The following MARCHF4 variants were observed in gnomAD, a reference collection of about 807,000 sequenced individuals.
The protein encoded by MARCHF4 is E3 ubiquitin-protein ligase MARCHF4.
Under a neutral mutation model 43.9 loss-of-function variants are expected in MARCHF4, and 14 were observed. That is an observed-to-expected ratio of 0.32 (90% CI 0.21 to 0.50). MARCHF4 has a LOEUF of 0.50. Among genes scored for constraint, MARCHF4 ranks in the 20% least tolerant of loss-of-function variants. MARCHF4 has a pLI of 0.98. For synonymous variants in MARCHF4, 226 were observed against 213.3 expected (o/e 1.06, Z -0.52); for missense variants, 468 against 536.7 (o/e 0.87, Z 1.27).
At chr2:216,326,517 TTTATTGCGGCA>T in intron 1 of MARCHF4, among the ~76,000 whole-genome samples, 1 of 151,524 alleles carries the variant, frequency 6.6e-6, no homozygotes, top group Middle Eastern at 3.4e-3. Context: ...CACACGTATG[TTTATTGCGGCA>T]TTATTCACAA....
chr2:216,313,451 G>GA (rs764840677), intron 1 of MARCHF4, among the ~76,000 whole-genome samples: 3 of 152,104 alleles, frequency 2.0e-5, no homozygotes, highest in Non-Finnish European at 2.9e-5. Flanking sequence ...TCACAAATTA[G>GA]AAAAAATTAC....
intron 1 of MARCHF4, among the ~76,000 whole-genome samples, chr2:216,295,125 C>T (rs964011661): frequency 3.3e-5 from 5 of 152,288 alleles, no homozygotes; most frequent in African/African-American, 7.2e-5. Context: ...GCCTGCAGAC[C>T]GAGGCTGGCT....
rs532625140 is a variant in MARCHF4, at chr2:216,315,930, C to G, written c.517-32201G>C. Among the ~76,000 whole-genome samples the G allele has an allele frequency of 8.5e-5, 13 of 152,280 alleles. 1 individual carries two copies. Among genetic ancestry groups the G allele is most frequent in the Middle Eastern group, 6.8e-3 (2 of 294 alleles). On this transcript the variant is annotated intron_variant, in intron 1 of 3. Transcript: ENST00000273067. ...TCCCATCTATTTCGCTTCCTGGGAG[C>G]AGGTCTGTCTGATCTGCATCACTGG...
At chr2:216,268,397 C>A (rs1690879378) in intron 3 of MARCHF4, among the ~76,000 whole-genome samples, 1 of 152,188 alleles carries the variant, frequency 6.6e-6, no homozygotes. Context: ...ACCTATAATC[C>A]CTACATGTCA....
At chr2:216,363,431 A>G (rs1692618368) in intron 1 of MARCHF4, among the ~76,000 whole-genome samples, 1 of 152,232 alleles carries the variant, frequency 6.6e-6, no homozygotes, top group African/African-American at 2.4e-5. Flanking sequence ...ATGCGTGAGC[A>G]AGTTTGTACA....
At chr2:216,295,966 C>T (rs1193169412) in intron 1 of MARCHF4, among the ~76,000 whole-genome samples, 9 of 152,164 alleles carry the variant, frequency 5.9e-5, no homozygotes, top group Non-Finnish European at 8.8e-5. Context: ...GCCAACATGG[C>T]GAAACCCTGT....
At chr2:216,331,924 C>G (rs1425028451) in intron 1 of MARCHF4, among the ~76,000 whole-genome samples, 1 of 152,112 alleles carries the variant, frequency 6.6e-6, no homozygotes, top group African/African-American at 2.4e-5. Context: ...ATGCTCAGCA[C>G]ACATCACGAT....
intron 1 of MARCHF4, among the ~76,000 whole-genome samples, chr2:216,303,060 C>A (rs988941446): frequency 1.3e-5 from 2 of 152,130 alleles, no homozygotes; most frequent in African/African-American, 4.8e-5. Context: ...CCTGTCTCTT[C>A]ATTGAGGAAT....
At chr2:216,322,190 G>A (rs543817173) in intron 1 of MARCHF4, among the ~76,000 whole-genome samples, 1 of 152,314 alleles carries the variant, frequency 6.6e-6, no homozygotes, top group African/African-American at 2.4e-5. Context: ...AACAAAGGCA[G>A]CATCTCCTAA....
At chr2:216,347,673 G>C (rs375905358) in intron 1 of MARCHF4, among the ~76,000 whole-genome samples, 11 of 151,736 alleles carry the variant, frequency 7.2e-5, no homozygotes, top group African/African-American at 2.7e-4. Context: ...GTTGCAGTGA[G>C]CTGAGATGGT....
chr2:216,350,250 C>G (rs1212184120), intron 1 of MARCHF4, among the ~76,000 whole-genome samples: 3 of 117,928 alleles, frequency 2.5e-5, no homozygotes, highest in Non-Finnish European at 5.3e-5. Context: ...CCCCCTCACT[C>G]TGCCACTCCC....
intron 1 of MARCHF4, among the ~76,000 whole-genome samples, chr2:216,319,672 T>C (rs1314515986): frequency 6.6e-6 from 1 of 152,176 alleles, no homozygotes; most frequent in Admixed American, 6.5e-5. Context: ...TTGGGAAACA[T>C]AATAAGCCTC....
intron 2 of MARCHF4, among the ~76,000 whole-genome samples, chr2:216,278,146 A>T (rs1691058181): frequency 6.6e-6 from 1 of 152,200 alleles, no homozygotes; most frequent in Non-Finnish European, 1.5e-5. Context: ...ATAATGATAT[A>T]CACAGAGAAA....
intron 1 of MARCHF4, among the ~76,000 whole-genome samples, chr2:216,298,298 T>A (rs147646998): frequency 7.0e-6 from 1 of 142,038 alleles, no homozygotes; most frequent in Non-Finnish European, 1.5e-5. Flanking sequence ...AGGGTCTGAC[T>A]CTGTTGTCCA....
At chr2:216,325,597 G>T (rs938860984) in intron 1 of MARCHF4, among the ~76,000 whole-genome samples, 3 of 152,140 alleles carry the variant, frequency 2.0e-5, no homozygotes, top group African/African-American at 7.2e-5. Flanking sequence ...AAAACAGCAG[G>T]GTACTGGTAT....
intron 1 of MARCHF4, 83 bp downstream of exon 1, chr2:216,369,662 G>C (rs766961898): frequency 2.6e-6 from 3 of 1,140,444 alleles, no homozygotes. Flanking sequence ...CAATATAACC[G>C]TTCCCCAGGG....
At chr2:216,330,310 A>G (rs955355139) in intron 1 of MARCHF4, among the ~76,000 whole-genome samples, 3 of 152,198 alleles carry the variant, frequency 2.0e-5, no homozygotes, top group African/African-American at 7.2e-5. Flanking sequence ...ATGTGTCAGG[A>G]AAATATAACA....
intron 1 of MARCHF4, among the ~76,000 whole-genome samples, chr2:216,310,955 T>A (rs546121930): frequency 6.6e-6 from 1 of 152,268 alleles, no homozygotes; most frequent in Admixed American, 6.5e-5. Flanking sequence ...GGGGAAGGAT[T>A]ATTTTAAATT....
intron 2 of MARCHF4, among the ~76,000 whole-genome samples, chr2:216,279,041 T>C (rs1691080726): frequency 6.6e-6 from 1 of 152,250 alleles, no homozygotes; most frequent in Non-Finnish European, 1.5e-5. Flanking sequence ...GTGGAGCTTA[T>C]AGTCTAGGGA....
Sources: gnomAD v4.1 joint callset for allele counts (sites outside exome capture counted in the v4.1 genomes callset) on GRCh38, gnomAD v4.1.1 for gene constraint, MANE v1.5 for transcripts, NCBI Gene and HGNC (gene_info 2026-07-23, HGNC 2026-07-21) for gene names.